CAMTA1: variants seen among roughly 807,000 people sequenced by gnomAD.
The protein encoded by CAMTA1 is calmodulin binding transcription activator 1, also known as calmodulin-binding transcription activator 1.
In CAMTA1, 27 loss-of-function variants were observed where a neutral mutation model predicts 170.9. The observed-to-expected ratio is 0.16, with a 90% CI of 0.12 to 0.22. The LOEUF (loss-of-function observed/expected upper bound fraction) is 0.22. CAMTA1 is among the 10% of genes least tolerant of loss of function. The pLI is 1.00. For synonymous variants in CAMTA1, 833 were observed against 891.5 expected (o/e 0.93, Z 1.17); for missense variants, 1,619 against 2,217.2 (o/e 0.73, Z 5.42).
Position 7,365,396 on chromosome 1 carries a change from T to C in CAMTA1, c.439-102434T>C, listed in dbSNP as rs369005997. 5.3e-5 allele frequency among the ~76,000 whole-genome samples: 8 copies of C among 152,350 alleles called. No homozygotes were observed. In the East Asian group the frequency reaches 9.6e-4, roughly 18 times the overall value. ...TTTAGGAAGTGCTATTACTGGGCTA[T>C]TACTGGAAAGGAATTCCTCTCTCCT... On this transcript the variant is annotated intron_variant, in intron 5 of 22. Coordinates refer to ENST00000303635, the MANE Select transcript of CAMTA1 (RefSeq NM_015215.4).
chr1:7,148,273 A>G (rs141919565), intron 4 of CAMTA1, among the ~76,000 whole-genome samples: 1,537 of 151,848 alleles, frequency 0.01, 16 homozygotes, highest in Admixed American at 0.015. Context: ...ACACACAAAC[A>G]TACACCAAGC....
In CAMTA1 at chr1:7,634,812, T is replaced by C. The variant is rs1328738154; in HGVS notation, c.511-5588T>C. On this transcript the variant is annotated intron_variant, in intron 6 of 22. Transcript: ENST00000303635. This position sits in a 1 kb window ranked among gnomAD's most constrained non-coding sequence, Gnocchi z 6.2. ...TGGGTTTGGTTTTGGTGGTGGTTGG[T>C]GGTGGTAGAGCGGGGCCTCTGTCTC... Among the ~76,000 whole-genome samples, 3 of 152,040 alleles carry C rather than the reference T, an allele frequency of 2.0e-5. No individual in the cohort carries two copies. The highest frequency in any genetic ancestry group is 4.4e-5 in the Non-Finnish European group (3 of 67,998).
rs561740333 is a variant in CAMTA1 at position 6,982,293 on chromosome 1, G to A, written c.235-109011G>A. ...GTCATCCCAGAAGCCTCCTAGAGCA[G>A]CAATGGGGAGAACAGTCTTTAGGGC... is the stretch of plus-strand genomic sequence containing the variant. On this transcript the variant is annotated intron_variant, in intron 3 of 22. Coordinates refer to ENST00000303635, the MANE Select transcript of CAMTA1 (RefSeq NM_015215.4). 4.6e-5 allele frequency among the ~76,000 whole-genome samples: 7 copies of A among 152,308 alleles called. No individual in the cohort carries two copies. The South Asian group carries it at 1.5e-3, about 32-fold the overall frequency.
intron 4 of CAMTA1, among the ~76,000 whole-genome samples, chr1:7,183,808 A>G (rs1652709697): frequency 6.6e-6 from 1 of 152,152 alleles, no homozygotes; most frequent in Admixed American, 6.5e-5. Context: ...AGAGTTGCAC[A>G]CTCTATGCTT....
At chr1:7,718,949 T>A (rs1169590970) in intron 11 of CAMTA1, among the ~76,000 whole-genome samples, 4 of 151,424 alleles carry the variant, frequency 2.6e-5, no homozygotes, top group Admixed American at 6.6e-5. Flanking sequence ...TTAGAATGTC[T>A]CAATTCTTGT....
intron 4 of CAMTA1, among the ~76,000 whole-genome samples, chr1:7,132,258 A>C (rs892969998): frequency 1.7e-4 from 26 of 152,132 alleles, no homozygotes; most frequent in Admixed American, 7.2e-4. Context: ...CATCTTAATA[A>C]TATTAAGGTC....
chr1:7,373,530 C>A (rs1453527723), intron 5 of CAMTA1, among the ~76,000 whole-genome samples: 2 of 152,132 alleles, frequency 1.3e-5, no homozygotes, highest in African/African-American at 4.8e-5. Context: ...CACACTGCAG[C>A]GGGGGAAGGT....
At position 6,893,775 on chromosome 1, in the gene CAMTA1, C is replaced by CGA. The variant is rs566804682; in HGVS notation, c.234+68567_234+68568dup. Among the ~76,000 whole-genome samples, 97 of 152,188 alleles carry CGA rather than the reference C, an allele frequency of 6.4e-4. No individual in the cohort carries two copies. The Middle Eastern group carries it at 0.02, about 32-fold the overall frequency. On this transcript the variant is annotated intron_variant, in intron 3 of 22. Transcript: ENST00000303635. Reference sequence around the variant, plus strand: ...GTTCTGTATTCCGTTTGTCAGGCTGCGAGGGAAGGGGGTTTGTGCTAATTT... The same window carrying CGA: ...GTTCTGTATTCCGTTTGTCAGGCTGCGAGAGGGAAGGGGGTTTGTGCTAATTT...
In CAMTA1 at chr1:7,338,417, G is replaced by A. The variant is rs952790180; in HGVS notation, c.438+88791G>A. Reference sequence around the variant, plus strand: ...TTGGAGCCGTCTGCCTTTGAGTACAGACTGTGCACCAGGAGCATCGCTGAG... The same window carrying A: ...TTGGAGCCGTCTGCCTTTGAGTACAAACTGTGCACCAGGAGCATCGCTGAG... On this transcript the variant is annotated intron_variant, in intron 5 of 22. Transcript: ENST00000303635. Among the ~76,000 whole-genome samples, 5 of 152,234 alleles carry A rather than the reference G, an allele frequency of 3.3e-5. No individual in the cohort carries two copies. The South Asian group carries it at 1.0e-3, about 31-fold the overall frequency.
Position 6,907,409 on chromosome 1 carries a change from G to A in CAMTA1, c.234+82199G>A, listed in dbSNP as rs560699177. Among the ~76,000 whole-genome samples, 104 of 152,218 alleles carry A rather than the reference G, an allele frequency of 6.8e-4. No homozygotes were observed. In the Middle Eastern group the frequency reaches 0.017, roughly 25 times the overall value. On this transcript the variant is annotated intron_variant, in intron 3 of 22. Transcript: ENST00000303635. ...CCGCTGTCCCGTGTTTCTACGCAGG[G>A]TGCATGCAGAGGTTTTCAAGTGTGA...
intron 6 of CAMTA1, among the ~76,000 whole-genome samples, chr1:7,507,853 G>A (rs1040155936): frequency 2.6e-5 from 4 of 152,186 alleles, no homozygotes; most frequent in South Asian, 2.1e-4. Flanking sequence ...CCCCACCTCC[G>A]GGTCTTCCCA....
intron 22 of CAMTA1, among the ~76,000 whole-genome samples, chr1:7,762,595 A>G (rs2096984207): frequency 6.6e-6 from 1 of 152,198 alleles, no homozygotes; most frequent in Non-Finnish European, 1.5e-5. Flanking sequence ...AGTAACATAA[A>G]ACTTCATTTA....
At chr1:6,922,138 T>A (rs929280667) in intron 3 of CAMTA1, among the ~76,000 whole-genome samples, 2 of 152,244 alleles carry the variant, frequency 1.3e-5, no homozygotes, top group African/African-American at 4.8e-5. Context: ...CCACTATACC[T>A]GTTTTTTTAA....
intron 6 of CAMTA1, among the ~76,000 whole-genome samples, chr1:7,475,627 C>G (rs375522159): frequency 6.6e-6 from 1 of 152,210 alleles, no homozygotes; most frequent in Non-Finnish European, 1.5e-5. Context: ...TATACACGCT[C>G]ACCACCGTGC....
chr1:7,480,309 TTGTAAG>T (rs982232309), intron 6 of CAMTA1, among the ~76,000 whole-genome samples: 71 of 139,190 alleles, frequency 5.1e-4, no homozygotes, highest in African/African-American at 1.8e-3. Context: ...ATGAGTGCAT[TTGTAAG>T]TGTGTGTGTG....
intron 6 of CAMTA1, among the ~76,000 whole-genome samples, chr1:7,579,555 T>TCTTTC (rs1248028899): frequency 5.6e-5 from 6 of 107,902 alleles, no homozygotes; most frequent in African/African-American, 4.6e-4. Context: ...TTCTTTTCTT[T>TCTTTC]TTTTTTTTTT....
chr1:6,846,932 A>G (rs765260268), intron 3 of CAMTA1, among the ~76,000 whole-genome samples: 1 of 151,836 alleles, frequency 6.6e-6, no homozygotes, highest in Non-Finnish European at 1.5e-5. Flanking sequence ...ATAGAATTAT[A>G]AAGTATGTGT....
At chr1:7,409,621 C>T (rs1042500161) in intron 5 of CAMTA1, among the ~76,000 whole-genome samples, 4 of 152,190 alleles carry the variant, frequency 2.6e-5, no homozygotes, top group Non-Finnish European at 4.4e-5. Context: ...CTGAGCCCTC[C>T]CAGCTGCCCA....
chr1:7,607,428 T>C (rs2095494989), intron 6 of CAMTA1, among the ~76,000 whole-genome samples: 1 of 151,180 alleles, frequency 6.6e-6, no homozygotes, highest in South Asian at 2.1e-4. Flanking sequence ...GATGGATGTG[T>C]AGATGGAATG....
Sources: allele counts gnomAD v4.1 joint callset (sites outside exome capture counted in the v4.1 genomes callset), GRCh38; gene constraint gnomAD v4.1.1; non-coding constraint Gnocchi (gnomAD v3.1); transcripts MANE v1.5; gene names NCBI Gene and HGNC (gene_info 2026-07-23, HGNC 2026-07-21).